Variants in SEC14L5 observed in about 807,000 individuals in gnomAD.
The protein encoded by SEC14L5 is SEC14 like lipid binding 5.
In SEC14L5, 96 loss-of-function variants were observed where a neutral mutation model predicts 84.6. The ratio of observed to expected loss-of-function variants is 1.13; its 90% CI spans 0.96 to 1.34. SEC14L5 has a LOEUF of 1.34. Among genes scored for constraint, SEC14L5 ranks in the 40% most tolerant of loss-of-function variants. The pLI is 0.00. For synonymous variants in SEC14L5, 546 were observed against 383.4 expected (o/e 1.42, Z -4.95); for missense variants, 1,224 against 942.5 (o/e 1.30, Z -3.91).
Position 5,013,550 on chromosome 16 carries a change from C to CTTTTTTT in SEC14L5, c.1980-1290_1980-1284dup, listed in dbSNP as rs869041446. 7.3e-4 allele frequency among the ~76,000 whole-genome samples: 33 copies of CTTTTTTT among 44,958 alleles called. 3 individuals carry two copies. The highest frequency in any genetic ancestry group is 1.5e-3 in the Admixed American group (4 of 2,586). The allele number at this position is 44,958 out of a possible 152,430, so 29.5% of individuals were successfully genotyped here. On this transcript the variant is annotated intron_variant, in intron 15 of 15. Transcript: ENST00000251170. ...TATAGGCATGGGCTAGCTTGCCTGG[C>CTTTTTTT]TTTTTTTTTTTTTTTTTTTTTTTTT...
At chr16:4,981,559 G>A (rs1201562327) in intron 2 of SEC14L5, among the ~76,000 whole-genome samples, 3 of 152,152 alleles carry the variant, frequency 2.0e-5, no homozygotes, top group Non-Finnish European at 2.9e-5. Flanking sequence ...GGGTGGAAAA[G>A]GGAGGAGAAG....
chr16:4,984,733 C>T (rs1955465845), intron 2 of SEC14L5, among the ~76,000 whole-genome samples: 1 of 152,198 alleles, frequency 6.6e-6, no homozygotes, highest in South Asian at 2.1e-4. Flanking sequence ...TATAGTCATC[C>T]TAGTGGATGT....
At chr16:5,006,085 A>T (rs1955729314) in intron 12 of SEC14L5, 37 bp downstream of exon 12, 1 of 1,605,120 alleles carries the variant, frequency 6.2e-7, no homozygotes, top group South Asian at 1.1e-5. Context: ...CCTGGGCTTG[A>T]GGAGGGGGCA....
rs1335102846 is a variant in SEC14L5 at position 5,016,657 on chromosome 16, A to G, written c.*1687A>G. ...AGTTGGGGCTCATCTCTGCTGCAGT[A>G]ACTGAGCCAAGGGGTGGTTTTGTGG... On this transcript the variant is annotated 3_prime_UTR_variant, in exon 16 of 16. Transcript: ENST00000251170. 1 of 152,170 alleles carries G rather than the reference A, an allele frequency of 6.6e-6. No individual in the cohort carries two copies. Among genetic ancestry groups the G allele is most frequent in the Non-Finnish European group, 1.5e-5 (1 of 68,044 alleles). 9.4% of individuals were successfully genotyped at this position (152,170 alleles called of 1,614,324 possible).
intron 2 of SEC14L5, among the ~76,000 whole-genome samples, chr16:4,974,928 C>T (rs149027700): frequency 1.3e-5 from 2 of 152,114 alleles, no homozygotes; most frequent in African/African-American, 4.8e-5. Flanking sequence ...CAGGTGTGTG[C>T]CACCATGCCT....
rs569893216 is a variant in SEC14L5, at chr16:4,988,395, G to A, written c.345+115G>A. 3.9e-5 allele frequency: 52 copies of A among 1,327,140 alleles called. No individual in the cohort carries two copies. The African/African-American group carries it at 5.7e-4, about 15-fold the overall frequency. The allele number at this position is 1,327,140 out of a possible 1,614,324, so 82.2% of individuals were successfully genotyped here. The stretch of plus-strand genomic sequence containing the variant: ...GAGCCTCTGCCAAGCCCTCCCTCCT[G>A]GGGCATTGTCAAGAAAGATGCAGGA... On this transcript the variant is annotated intron_variant, in intron 4 of 15. Transcript: ENST00000251170.
intron 2 of SEC14L5, among the ~76,000 whole-genome samples, chr16:4,973,088 G>A (rs1955299350): frequency 6.6e-6 from 1 of 152,242 alleles, no homozygotes. Flanking sequence ...AGGCATACAT[G>A]AGTCAGCATC....
chr16:5,001,824 G>A (rs1233002063), intron 10 of SEC14L5, among the ~76,000 whole-genome samples: 69 of 151,920 alleles, frequency 4.5e-4, no homozygotes, highest in Non-Finnish European at 9.9e-4. Flanking sequence ...CCAAGCTGGA[G>A]TGCAGTGGTG....
intron 2 of SEC14L5, among the ~76,000 whole-genome samples, chr16:4,965,903 G>T (rs1955195207): frequency 6.6e-6 from 1 of 151,936 alleles, no homozygotes; most frequent in Non-Finnish European, 1.5e-5. Context: ...TTAGCTGGGT[G>T]TGATGGTTTA....
chr16:4,982,559 C>A (rs1000899014), intron 2 of SEC14L5, among the ~76,000 whole-genome samples: 1 of 152,188 alleles, frequency 6.6e-6, no homozygotes, highest in Non-Finnish European at 1.5e-5. Flanking sequence ...AGCCCCAGCA[C>A]AGAGCCTGGG....
At chr16:4,969,006 A>C (rs1323000429) in intron 2 of SEC14L5, among the ~76,000 whole-genome samples, 2 of 152,268 alleles carry the variant, frequency 1.3e-5, no homozygotes, top group Admixed American at 6.5e-5. Flanking sequence ...ATTCGCTGTT[A>C]CGGAGGTAGT....
intron 14 of SEC14L5, among the ~76,000 whole-genome samples, chr16:5,010,158 C>A (rs1416727253): frequency 8.8e-6 from 1 of 114,284 alleles, no homozygotes; most frequent in Non-Finnish European, 1.6e-5. Context: ...GCCTGGCCAA[C>A]ATGGTGAAAC....
chr16:5,008,343 C>T, intron 13 of SEC14L5, 78 bp from the exon 14 acceptor site: 2 of 1,041,740 alleles, frequency 1.9e-6, no homozygotes, highest in Non-Finnish European at 1.5e-6. Flanking sequence ...GCACCCACAG[C>T]CCCTCCTGCC....
At chr16:4,972,982 C>T (rs375844022) in intron 2 of SEC14L5, among the ~76,000 whole-genome samples, 1 of 152,206 alleles carries the variant, frequency 6.6e-6, no homozygotes, top group African/African-American at 2.4e-5. Flanking sequence ...TGAGTGTTGA[C>T]TATGTGCTAG....
intron 10 of SEC14L5, 98 bp from the exon 11 acceptor site, chr16:5,003,304 T>C (rs2142522398): frequency 2.2e-6 from 2 of 903,818 alleles, no homozygotes; most frequent in East Asian, 2.5e-5. Flanking sequence ...CTCCCAGCCC[T>C]ATCTCTCGGA....
chr16:4,969,677 AC>A (rs1339945609), intron 2 of SEC14L5, among the ~76,000 whole-genome samples: 7 of 152,020 alleles, frequency 4.6e-5, no homozygotes, highest in Non-Finnish European at 1.0e-4. Flanking sequence ...AGCTACTGTG[AC>A]CGGCCTGATC....
At chr16:4,996,744 G>C (rs1182021208) in intron 7 of SEC14L5, 111 bp from the exon 8 acceptor site, 1 of 825,120 alleles carries the variant, frequency 1.2e-6, no homozygotes, top group Non-Finnish European at 1.9e-6. Flanking sequence ...GCTAATTTCT[G>C]TACTTTTTGT....
chr16:4,982,603 G>GC (rs1955438472), intron 2 of SEC14L5, among the ~76,000 whole-genome samples: 1 of 152,190 alleles, frequency 6.6e-6, no homozygotes, highest in Admixed American at 6.5e-5. Context: ...ACAGTGAGGG[G>GC]CCCTTCCCTG....
intron 2 of SEC14L5, among the ~76,000 whole-genome samples, chr16:4,971,064 C>A (rs1201103516): frequency 6.7e-6 from 1 of 148,536 alleles, no homozygotes; most frequent in African/African-American, 2.5e-5. Flanking sequence ...GAGATTGCAC[C>A]ACTGCACTCC....
Sources: gnomAD v4.1 joint callset for allele counts (sites outside exome capture counted in the v4.1 genomes callset) on GRCh38, gnomAD v4.1.1 for gene constraint, MANE v1.5 for transcripts, NCBI Gene and HGNC (gene_info 2026-07-23, HGNC 2026-07-21) for gene names.